Variants in PLCXD3 observed in about 807,000 individuals in gnomAD.
PLCXD3 encodes the protein PI-PLC X domain-containing protein 3.
In PLCXD3, 19 loss-of-function variants were observed where a neutral mutation model predicts 25.5. The observed-to-expected ratio is 0.75, with a 90% CI of 0.52 to 1.09. PLCXD3 has a LOEUF of 1.09. Ranked by LOEUF, PLCXD3 falls within the 50% of genes least tolerant of loss-of-function variation. PLCXD3 has a pLI of 0.00. For synonymous variants in PLCXD3, 174 were observed against 137.6 expected, an observed-to-expected ratio of 1.26 and a Z score of -1.85; for missense variants, 411 against 388.1, an observed-to-expected ratio of 1.06 and a Z score of -0.50.
At chr5:41,375,421 A>G (rs1478365051) in intron 2 of PLCXD3, among the ~76,000 whole-genome samples, 1 of 151,984 alleles carries the variant, frequency 6.6e-6, no homozygotes, top group Non-Finnish European at 1.5e-5. Flanking sequence ...TTTGACTGGG[A>G]GCCAGGAGTC....
At chr5:41,486,004 C>T (rs1046967923) in intron 1 of PLCXD3, among the ~76,000 whole-genome samples, 1 of 152,114 alleles carries the variant, frequency 6.6e-6, no homozygotes, top group African/African-American at 2.4e-5. Flanking sequence ...GAAGTTTTCT[C>T]CACAGTGAGA....
chr5:41,373,978 C>T (rs1434630286), intron 2 of PLCXD3, among the ~76,000 whole-genome samples: 1 of 152,052 alleles, frequency 6.6e-6, no homozygotes, highest in Non-Finnish European at 1.5e-5. Flanking sequence ...ATAGGTAGTT[C>T]TACCTGAGTG....
intron 2 of PLCXD3, among the ~76,000 whole-genome samples, chr5:41,363,488 T>C (rs1327742007): frequency 6.6e-6 from 1 of 152,236 alleles, no homozygotes; most frequent in Non-Finnish European, 1.5e-5. Flanking sequence ...CCAATACTTA[T>C]AAGCTGAAGA....
intron 1 of PLCXD3, among the ~76,000 whole-genome samples, chr5:41,483,901 C>T (rs1748463687): frequency 6.6e-6 from 1 of 152,076 alleles, no homozygotes; most frequent in South Asian, 2.1e-4. Context: ...CACTAACACA[C>T]ACAAAATTAA....
chr5:41,401,311 T>G (rs75782642), intron 1 of PLCXD3, among the ~76,000 whole-genome samples: 16,458 of 152,082 alleles, frequency 0.11, 1,072 homozygotes, highest in Admixed American at 0.17. Context: ...TTAAAAATGT[T>G]TTCTTCTGGA....
intron 1 of PLCXD3, among the ~76,000 whole-genome samples, chr5:41,472,273 G>A (rs1748182897): frequency 1.3e-5 from 2 of 152,030 alleles, no homozygotes; most frequent in Non-Finnish European, 2.9e-5. Context: ...TTTAGAAACA[G>A]GCAGTTAACT....
intron 1 of PLCXD3, among the ~76,000 whole-genome samples, chr5:41,474,517 T>C (rs1372976989): frequency 2.0e-5 from 3 of 152,158 alleles, no homozygotes; most frequent in African/African-American, 7.2e-5. Flanking sequence ...AGAAAGGCAA[T>C]TGAAAAATGT....
chr5:41,327,068 A>C (rs1252993607), intron 2 of PLCXD3, among the ~76,000 whole-genome samples: 1 of 152,186 alleles, frequency 6.6e-6, no homozygotes. Flanking sequence ...ACCATTTCAC[A>C]AAACAGGGGC....
chr5:41,376,015 G>A (rs755310392), intron 2 of PLCXD3, among the ~76,000 whole-genome samples: 7 of 152,014 alleles, frequency 4.6e-5, no homozygotes, highest in Admixed American at 1.3e-4. Context: ...ATCATGTAGC[G>A]CTCTTAGCAC....
chr5:41,462,996 G>T (rs1747928939), intron 1 of PLCXD3, among the ~76,000 whole-genome samples: 1 of 151,910 alleles, frequency 6.6e-6, no homozygotes, highest in African/African-American at 2.4e-5. Context: ...AATAGCAGAT[G>T]CAGGACTGAC....
intron 1 of PLCXD3, among the ~76,000 whole-genome samples, chr5:41,404,485 G>T (rs1223923997): frequency 2.0e-5 from 3 of 152,042 alleles, no homozygotes; most frequent in Non-Finnish European, 2.9e-5. Context: ...GGAAGGAAAT[G>T]ATTTAAGTTG....
chr5:41,433,078 A>G (rs780556065), intron 1 of PLCXD3, among the ~76,000 whole-genome samples: 3 of 152,216 alleles, frequency 2.0e-5, no homozygotes, highest in Non-Finnish European at 4.4e-5. Context: ...TGCAGAGGCC[A>G]GCTTTCTCCA....
chr5:41,469,482 A>G (rs1389655433), intron 1 of PLCXD3, among the ~76,000 whole-genome samples: 2 of 137,214 alleles, frequency 1.5e-5, no homozygotes, highest in Admixed American at 7.9e-5. Context: ...CCATGAATCC[A>G]TCTGGTTGTG....
intron 1 of PLCXD3, among the ~76,000 whole-genome samples, chr5:41,508,013 T>C (rs1272851954): frequency 3.3e-5 from 5 of 152,200 alleles, no homozygotes; most frequent in African/African-American, 1.2e-4. Context: ...TTTATATATG[T>C]GGATCTTCCA....
chr5:41,328,793 A>T (rs1220282608), intron 2 of PLCXD3, among the ~76,000 whole-genome samples: 1 of 152,224 alleles, frequency 6.6e-6, no homozygotes, highest in African/African-American at 2.4e-5. Context: ...TGGTTTTAAA[A>T]AGATTTAAAG....
intron 2 of PLCXD3, among the ~76,000 whole-genome samples, chr5:41,361,735 T>C (rs1031022535): frequency 1.3e-5 from 2 of 152,354 alleles, no homozygotes; most frequent in African/African-American, 4.8e-5. Flanking sequence ...CTCAGAGCTG[T>C]CAGTTAATCT....
intron 1 of PLCXD3, among the ~76,000 whole-genome samples, chr5:41,453,375 C>G (rs762376035): frequency 1.3e-5 from 2 of 150,268 alleles, no homozygotes; most frequent in African/African-American, 4.9e-5. Flanking sequence ...TTTTAATGAC[C>G]GCATGGCAAT....
chr5:41,509,818 T>C (rs1257927863), intron 1 of PLCXD3, among the ~76,000 whole-genome samples: 1 of 152,186 alleles, frequency 6.6e-6, no homozygotes, highest in East Asian at 1.9e-4. Flanking sequence ...TACGAAATGG[T>C]GCCCTCTGCC....
chr5:41,492,434 A>G (rs1748724734), intron 1 of PLCXD3, among the ~76,000 whole-genome samples: 1 of 151,860 alleles, frequency 6.6e-6, no homozygotes, highest in South Asian at 2.1e-4. Context: ...CTTCTTGAGG[A>G]GTATCTTTGT....
Sources: allele counts gnomAD v4.1 joint callset (sites outside exome capture counted in the v4.1 genomes callset), GRCh38; gene constraint gnomAD v4.1.1; transcripts MANE v1.5; gene names NCBI Gene and HGNC (gene_info 2026-07-23, HGNC 2026-07-21).